The following CNTN4 variants were observed in gnomAD, a reference collection of about 807,000 sequenced individuals.
CNTN4 encodes contactin-4.
Under a neutral mutation model 122.5 loss-of-function variants are expected in CNTN4, and 77 were observed. The ratio of observed to expected loss-of-function variants is 0.63; its 90% CI spans 0.52 to 0.76. The LOEUF is 0.76. Among genes scored for constraint, CNTN4 ranks in the 30% least tolerant of loss-of-function variants. CNTN4 has a pLI of 0.00. For synonymous variants in CNTN4, 512 were observed against 447.0 expected (o/e 1.15, Z -1.83); for missense variants, 1,256 against 1,259.1 (o/e 1.00, Z 0.04).
At chr3:2,964,402 G>T (rs139831149) in intron 13 of CNTN4, among the ~76,000 whole-genome samples, 23 of 152,194 alleles carry the variant, frequency 1.5e-4, no homozygotes, top group African/African-American at 5.5e-4. Context: ...TCACCAAATT[G>T]CTTAGTAACT....
chr3:2,917,207 A>G (rs1457981637), intron 12 of CNTN4, among the ~76,000 whole-genome samples: 1 of 151,452 alleles, frequency 6.6e-6, no homozygotes. Flanking sequence ...AGGCTGAGGC[A>G]GGAGAATCAG....
At position 2,990,627 on chromosome 3, in the gene CNTN4, C is replaced by T. The variant is rs1197973067; in HGVS notation, c.1486+2155C>T. ...GATACCACAAGCCCCAGGACAAAAC[C>T]GTTCCCAACCAACTGTGCAGATCCC... On this transcript the variant is annotated intron_variant, in intron 14 of 24. Transcript: ENST00000418658. Among the ~76,000 whole-genome samples, 5 of 152,152 alleles carry T rather than the reference C, an allele frequency of 3.3e-5. No homozygotes were observed. The East Asian group carries it at 5.8e-4, about 18-fold the overall frequency.
chr3:2,727,394 T>A (rs2088305993), intron 4 of CNTN4, among the ~76,000 whole-genome samples: 1 of 152,226 alleles, frequency 6.6e-6, no homozygotes, highest in South Asian at 2.1e-4. Context: ...TCCAAATGAG[T>A]TACAAAGTAT....
intron 6 of CNTN4, among the ~76,000 whole-genome samples, chr3:2,791,185 A>C (rs1288695418): frequency 1.3e-5 from 2 of 152,168 alleles, no homozygotes; most frequent in African/African-American, 4.8e-5. Context: ...TTATGCAAAT[A>C]ATGGTGGTAT....
At chr3:2,977,213 A>G (rs1420709218) in intron 13 of CNTN4, among the ~76,000 whole-genome samples, 2 of 152,228 alleles carry the variant, frequency 1.3e-5, no homozygotes, top group African/African-American at 4.8e-5. Flanking sequence ...TAAGCAGTTC[A>G]GCTTTCAGGC....
chr3:2,489,328 A>T (rs779588148), intron 3 of CNTN4, among the ~76,000 whole-genome samples: 7 of 152,236 alleles, frequency 4.6e-5, no homozygotes, highest in Non-Finnish European at 8.8e-5. Flanking sequence ...TGGGTAACAA[A>T]TGAAGCAATG....
intron 2 of CNTN4, among the ~76,000 whole-genome samples, chr3:2,198,834 C>G (rs1453683069): frequency 6.6e-6 from 1 of 152,160 alleles, no homozygotes; most frequent in Non-Finnish European, 1.5e-5. Context: ...TTAAATTATG[C>G]TCATCACAAA....
intron 3 of CNTN4, among the ~76,000 whole-genome samples, chr3:2,559,698 G>A (rs892800489): frequency 6.6e-6 from 1 of 152,232 alleles, no homozygotes; most frequent in East Asian, 1.9e-4. Flanking sequence ...TTTGCAGAAG[G>A]CTTCTGGAAA....
At chr3:2,849,793 T>C (rs2093516302) in intron 7 of CNTN4, among the ~76,000 whole-genome samples, 2 of 152,126 alleles carry the variant, frequency 1.3e-5, no homozygotes, top group Admixed American at 1.3e-4. Context: ...AGAATGTAAA[T>C]GAATCAGATA....
chr3:2,201,239 C>T (rs11717910), intron 2 of CNTN4, among the ~76,000 whole-genome samples: 6,795 of 152,188 alleles, frequency 0.045, 262 homozygotes, highest in African/African-American at 0.11. Context: ...GTAACTCTTA[C>T]CTGTAATTAG....
chr3:2,810,027 G>A (rs2092566777), intron 6 of CNTN4, among the ~76,000 whole-genome samples: 1 of 152,196 alleles, frequency 6.6e-6, no homozygotes, highest in Admixed American at 6.5e-5. Flanking sequence ...TAGTTGAGGG[G>A]TGAAAAACTG....
At chr3:2,469,185 T>A (rs542131105) in intron 3 of CNTN4, among the ~76,000 whole-genome samples, 1 of 152,326 alleles carries the variant, frequency 6.6e-6, no homozygotes, top group East Asian at 1.9e-4. Context: ...TTTACTAGAT[T>A]GAGAAATACG....
chr3:2,205,839 T>C (rs552038937), intron 2 of CNTN4, among the ~76,000 whole-genome samples: 1 of 152,234 alleles, frequency 6.6e-6, no homozygotes, highest in African/African-American at 2.4e-5. Context: ...TAAACTTCTG[T>C]AATGAGTGGA....
rs141774327 is a variant in CNTN4, at chr3:2,672,629, C to G, written c.56-63586C>G. 5.4e-4 allele frequency among the ~76,000 whole-genome samples: 82 copies of G among 152,268 alleles called. No individual in the cohort carries two copies. The South Asian group carries it at 9.3e-3, about 17-fold the overall frequency. On this transcript the variant is annotated intron_variant, in intron 4 of 24. Transcript: ENST00000418658. ...GCGCTGCACGTACTGTCTGACAATC[C>G]CCAGTGAGATGTACCTGGTACCTCA...
intron 21 of CNTN4, 120 bp downstream of exon 21, chr3:3,042,542 C>T: frequency 1.4e-6 from 1 of 730,332 alleles, no homozygotes; most frequent in Non-Finnish European, 2.5e-6. Context: ...GGTTTTAGGC[C>T]TGGCTTCCAG....
intron 2 of CNTN4, among the ~76,000 whole-genome samples, chr3:2,320,477 T>G (rs1277510514): frequency 1.3e-5 from 2 of 152,156 alleles, no homozygotes; most frequent in Non-Finnish European, 2.9e-5. Context: ...CGTCCCACCT[T>G]AACATAGAAT....
intron 3 of CNTN4, among the ~76,000 whole-genome samples, chr3:2,482,702 G>A (rs2076039943): frequency 6.6e-6 from 1 of 152,210 alleles, no homozygotes; most frequent in East Asian, 1.9e-4. Flanking sequence ...AAGGGGCCAA[G>A]GTACACACAG....
chr3:2,781,763 C>G (rs7637293), intron 6 of CNTN4, among the ~76,000 whole-genome samples: 2 of 116,938 alleles, frequency 1.7e-5, no homozygotes, highest in Non-Finnish European at 3.2e-5. Flanking sequence ...GTCGCTCTGT[C>G]GCCCAGGCTG....
intron 13 of CNTN4, among the ~76,000 whole-genome samples, chr3:2,943,394 T>G (rs115722164): frequency 6.6e-6 from 1 of 152,190 alleles, no homozygotes; most frequent in African/African-American, 2.4e-5. Flanking sequence ...AACAGGACTT[T>G]ACTTCTAGTT....
Sources: allele counts gnomAD v4.1 joint callset (sites outside exome capture counted in the v4.1 genomes callset), GRCh38; gene constraint gnomAD v4.1.1; transcripts MANE v1.5; gene names NCBI Gene and HGNC (gene_info 2026-07-23, HGNC 2026-07-21).